Variants in HIVEP3 observed in about 807,000 individuals in gnomAD.
HIVEP3 encodes transcription factor HIVEP3.
In HIVEP3, 49 loss-of-function variants were observed where a neutral mutation model predicts 152.8. The ratio of observed to expected loss-of-function variants is 0.32; its 90% CI spans 0.26 to 0.41. The LOEUF (loss-of-function observed/expected upper bound fraction) is 0.41. Ranked by LOEUF, HIVEP3 falls within the 10% of genes least tolerant of loss-of-function variation. HIVEP3 has a pLI of 1.00. For synonymous variants in HIVEP3, 1,269 were observed against 1,289.0 expected, an observed-to-expected ratio of 0.98 and a Z score of 0.33; for missense variants, 2,790 against 3,103.3, an observed-to-expected ratio of 0.90 and a Z score of 2.40.
chr1:41,547,309 A>T (rs1643826367), intron 5 of HIVEP3, among the ~76,000 whole-genome samples: 1 of 152,266 alleles, frequency 6.6e-6, no homozygotes, highest in African/African-American at 2.4e-5. Flanking sequence ...AACAGAAAAT[A>T]GTAAAAGTCA....
chr1:41,545,359 CCAT>C (rs1230934823), intron 5 of HIVEP3, among the ~76,000 whole-genome samples: 4 of 38,828 alleles, frequency 1.0e-4, no homozygotes, highest in Non-Finnish European at 1.6e-4. Context: ...ATCATCGCCA[CCAT>C]CACCACCACC....
intron 3 of HIVEP3, among the ~76,000 whole-genome samples, chr1:41,617,848 A>G (rs955406298): frequency 1.3e-5 from 2 of 151,656 alleles, no homozygotes; most frequent in African/African-American, 4.9e-5. Context: ...GAAGATGCCA[A>G]TGGCTTTGGA....
chr1:41,745,600 G>A (rs932013016), intron 1 of HIVEP3, among the ~76,000 whole-genome samples: 9 of 152,210 alleles, frequency 5.9e-5, no homozygotes, highest in African/African-American at 1.7e-4. Flanking sequence ...AATTCTAATC[G>A]TGACTTGCTA....
chr1:41,669,399 G>A (rs1415436439), intron 2 of HIVEP3, among the ~76,000 whole-genome samples: 6 of 152,180 alleles, frequency 3.9e-5, no homozygotes, highest in East Asian at 1.9e-4. Context: ...GTGCCATCTC[G>A]ACTGGGCCAT....
At chr1:41,775,082 C>T (rs1227103171) in intron 1 of HIVEP3, among the ~76,000 whole-genome samples, 3 of 152,168 alleles carry the variant, frequency 2.0e-5, no homozygotes, top group Admixed American at 1.3e-4. Flanking sequence ...GAATTACAGG[C>T]GTGACCCACC....
At chr1:41,594,311 C>T (rs1644632607) in intron 3 of HIVEP3, among the ~76,000 whole-genome samples, 1 of 152,160 alleles carries the variant, frequency 6.6e-6, no homozygotes, top group Non-Finnish European at 1.5e-5. Context: ...CAACCTCTGC[C>T]TCCTGGGTTC....
intron 1 of HIVEP3, among the ~76,000 whole-genome samples, chr1:41,995,729 T>C (rs1182411001): frequency 3.3e-5 from 5 of 152,206 alleles, no homozygotes; most frequent in Non-Finnish European, 7.3e-5. Flanking sequence ...CCTGGGATCA[T>C]TGTATCATTC....
intron 5 of HIVEP3, among the ~76,000 whole-genome samples, chr1:41,532,211 G>T (rs1013009607): frequency 3.4e-5 from 5 of 148,276 alleles, no homozygotes; most frequent in African/African-American, 1.3e-4. Flanking sequence ...CGGGGAGATG[G>T]AGGACAGGAG....
At chr1:41,548,701 A>T (rs1461658484) in intron 5 of HIVEP3, among the ~76,000 whole-genome samples, 1 of 151,768 alleles carries the variant, frequency 6.6e-6, no homozygotes, top group African/African-American at 2.4e-5. Flanking sequence ...ATGCTGGCCA[A>T]TTTTTTGTAT....
intron 1 of HIVEP3, among the ~76,000 whole-genome samples, chr1:41,756,415 T>C (rs1647309555): frequency 6.6e-6 from 1 of 152,198 alleles, no homozygotes; most frequent in South Asian, 2.1e-4. Flanking sequence ...CCTGTATGCC[T>C]ACTACAATAC....
chr1:41,733,958 C>T (rs1352968875), intron 1 of HIVEP3, among the ~76,000 whole-genome samples: 2 of 152,152 alleles, frequency 1.3e-5, no homozygotes, highest in Admixed American at 6.5e-5. Flanking sequence ...CCGCCCTCTC[C>T]CCCAGCACAA....
intron 3 of HIVEP3, among the ~76,000 whole-genome samples, chr1:41,603,065 ATTTTTAT>A (rs1232228828): frequency 6.6e-6 from 1 of 151,152 alleles, no homozygotes; most frequent in South Asian, 2.1e-4. Flanking sequence ...TTATTTATTT[ATTTTTAT>A]TTTTTATTTT....
At chr1:41,800,162 T>C (rs1650221160) in intron 1 of HIVEP3, among the ~76,000 whole-genome samples, 1 of 152,208 alleles carries the variant, frequency 6.6e-6, no homozygotes, top group South Asian at 2.1e-4. Flanking sequence ...GAGGATATAG[T>C]AAACTATTGC....
intron 5 of HIVEP3, among the ~76,000 whole-genome samples, chr1:41,561,258 T>C (rs1558061661): frequency 6.6e-6 from 1 of 152,174 alleles, no homozygotes; most frequent in Non-Finnish European, 1.5e-5. Flanking sequence ...ACCCCAGTCC[T>C]CCAGACTCTA....
At chr1:41,714,582 G>A (rs1646562048) in intron 1 of HIVEP3, among the ~76,000 whole-genome samples, 1 of 152,196 alleles carries the variant, frequency 6.6e-6, no homozygotes, top group African/African-American at 2.4e-5. Context: ...TGACTTTAGA[G>A]GGTAGCCAGG....
intron 5 of HIVEP3, among the ~76,000 whole-genome samples, chr1:41,551,672 G>A (rs899544231): frequency 4.4e-4 from 67 of 152,218 alleles, no homozygotes; most frequent in African/African-American, 1.5e-3. Flanking sequence ...GCATAGAGAT[G>A]TTTATAGTAT....
At chr1:41,937,417 TC>T (rs1645025167) in intron 1 of HIVEP3, among the ~76,000 whole-genome samples, 1 of 152,108 alleles carries the variant, frequency 6.6e-6, no homozygotes, top group Non-Finnish European at 1.5e-5. Flanking sequence ...AGGAAGACAA[TC>T]TAGGTACTTA....
chr1:41,759,631 C>T (rs1358405136), intron 1 of HIVEP3, among the ~76,000 whole-genome samples: 2 of 152,208 alleles, frequency 1.3e-5, no homozygotes, highest in East Asian at 3.9e-4. Context: ...GTTTTCCACC[C>T]ACACTCACTC....
chr1:41,943,778 A>T (rs1645059853), intron 1 of HIVEP3, among the ~76,000 whole-genome samples: 1 of 152,260 alleles, frequency 6.6e-6, no homozygotes, highest in Non-Finnish European at 1.5e-5. Context: ...TGAAGAATTC[A>T]AGGAAGCCAT....
Sources: allele counts gnomAD v4.1 joint callset (sites outside exome capture counted in the v4.1 genomes callset), GRCh38; gene constraint gnomAD v4.1.1; transcripts MANE v1.5; gene names NCBI Gene and HGNC (gene_info 2026-07-23, HGNC 2026-07-21).